Variants in TRIO observed in about 807,000 individuals in gnomAD.
TRIO encodes triple functional domain protein.
A neutral mutation model predicts 351.9 loss-of-function variants in TRIO; 58 were observed. That is an observed-to-expected ratio of 0.16 (90% CI 0.13 to 0.21). TRIO has a LOEUF of 0.21. TRIO is among the 10% of genes least tolerant of loss of function. TRIO has a pLI of 1.00. For missense variants in TRIO, 3,201 were observed against 4,027.8 expected (o/e 0.79, Z 5.56); for synonymous variants, 1,758 against 1,595.7 (o/e 1.10, Z -2.42).
At chr5:14,385,938 C>T (rs927931943) in intron 21 of TRIO, among the ~76,000 whole-genome samples, 4 of 152,210 alleles carry the variant, frequency 2.6e-5, no homozygotes, top group Admixed American at 2.6e-4. Flanking sequence ...AGGTAGTTTA[C>T]AGTGCCCTCC....
Position 14,492,714 on chromosome 5 carries a change from G to A in TRIO, c.7780G>A (p.Ala2594Thr), listed in dbSNP as rs759385450. 81 of 1,613,896 alleles carry A rather than the reference G, an allele frequency of 5.0e-5. No homozygotes were observed. The highest frequency in any genetic ancestry group is 6.4e-5 in the Non-Finnish European group (75 of 1,179,974). The change falls in exon 49 of 57, where the codon GCC becomes ACC. Residue 2594 changes from alanine (A) to threonine (T), a missense_variant. Around this residue, in one of 19 missense-constraint regions of TRIO, gnomAD observed 1,089 missense variants for 954.9 expected, o/e 1.14. Coordinates refer to ENST00000344204, the MANE Select transcript of TRIO (RefSeq NM_007118.4). ...GCAGAACATGTTTCTGGTGTTCCGA[G>A]CCGCCACTGACCAGTGCCCCGCAGC... ...NQQNMFLVFR[A>T]ATDQCPAAEG...
At position 14,405,963 on chromosome 5, in the gene TRIO, C is replaced by T. The variant is rs371141413; in HGVS notation, c.4832C>T (p.Ala1611Val). The T allele has an allele frequency of 2.5e-6, 4 of 1,607,494 alleles. No individual in the cohort carries two copies. The highest frequency in any genetic ancestry group is 1.7e-5 in the Admixed American group (1 of 59,364). The change falls in exon 32 of 57, where the codon GCT (alanine) becomes GTT (valine). Residue 1611 changes from alanine to valine, a missense_variant. Physicochemically the swap from Ala to Val is moderately conservative, Grantham distance 64. Transcript: ENST00000344204. ...LKEPIHIPKT[A>V]PATRQKGRRD... is the part of the protein sequence containing the mutation. Reference sequence around the variant, plus strand: ...GAGCCCATTCACATCCCTAAGACCGCTCCCGCCACAAGACAGAAGGGAAGG... The same window carrying T: ...GAGCCCATTCACATCCCTAAGACCGTTCCCGCCACAAGACAGAAGGGAAGG...
chr5:14,250,550 G>A (rs1393772042), intron 1 of TRIO, among the ~76,000 whole-genome samples: 1 of 152,134 alleles, frequency 6.6e-6, no homozygotes, highest in African/African-American at 2.4e-5. Flanking sequence ...ATTAGTAACC[G>A]CTTGCCTATT....
intron 11 of TRIO, among the ~76,000 whole-genome samples, chr5:14,351,220 A>C (rs1338696990): frequency 6.6e-6 from 1 of 152,226 alleles, no homozygotes; most frequent in Non-Finnish European, 1.5e-5. Context: ...ACTCTTTCTT[A>C]TCAGGGCAGC....
chr5:14,210,197 T>C (rs1186182446), intron 1 of TRIO, among the ~76,000 whole-genome samples: 1 of 152,250 alleles, frequency 6.6e-6, no homozygotes, highest in East Asian at 1.9e-4. Flanking sequence ...GGGGAAGTTC[T>C]GTGTAGAAGG....
At chr5:14,196,254 C>T (rs1790762159) in intron 1 of TRIO, among the ~76,000 whole-genome samples, 1 of 151,866 alleles carries the variant, frequency 6.6e-6, no homozygotes, top group Admixed American at 6.6e-5. Flanking sequence ...AAAACCCCCT[C>T]TCTACTAAAA....
chr5:14,492,344 C>A (rs1469697431), intron 48 of TRIO: 1 of 590,978 alleles, frequency 1.7e-6, no homozygotes, highest in Non-Finnish European at 2.9e-6. Flanking sequence ...TTTTTAAGAG[C>A]GTCCCTAAAT....
intron 49 of TRIO, among the ~76,000 whole-genome samples, chr5:14,495,443 A>G (rs977957192): frequency 2.0e-5 from 3 of 152,138 alleles, no homozygotes; most frequent in Non-Finnish European, 4.4e-5. Flanking sequence ...CTCTGGGTAT[A>G]ATGCTATCAG....
At chr5:14,489,482 G>C (rs1023677961) in intron 48 of TRIO, among the ~76,000 whole-genome samples, 2 of 152,188 alleles carry the variant, frequency 1.3e-5, no homozygotes, top group Non-Finnish European at 2.9e-5. Context: ...GTGGTGGGGA[G>C]ATGCAGTCAA....
chr5:14,498,158 G>A lies in TRIO; in HGVS notation c.8117G>A (p.Cys2706Tyr), dbSNP rs1321582196. 6.2e-7 allele frequency: 1 copy of A among 1,614,206 alleles called. No individual in the cohort carries two copies. Among genetic ancestry groups the A allele is most frequent in the Non-Finnish European group, 8.5e-7 (1 of 1,180,028 alleles). Residue 2706 changes from cysteine (C) to tyrosine (Y), a missense_variant, in exon 52 of 57, where the codon TGT (cysteine) becomes TAT (tyrosine). By Grantham distance (194) the Cys-to-Tyr change is radical (BLOSUM62 -2). Transcript: ENST00000344204. ...ACAGGGGAGACCGTTGTTCTTAGAT[G>A]TCGAGTCTGTGGCCGCCCCAAAGCC... ...CETGETVVLR[C>Y]RVCGRPKASI...
chr5:14,146,079 TCTC>T (rs1787505241), intron 1 of TRIO, among the ~76,000 whole-genome samples: 1 of 151,900 alleles, frequency 6.6e-6, no homozygotes, highest in South Asian at 2.1e-4. Flanking sequence ...AAAAGTGAAA[TCTC>T]CTTTGGGCAG....
intron 6 of TRIO, 36 bp from the exon 7 acceptor site, chr5:14,297,036 C>G: frequency 6.3e-7 from 1 of 1,587,158 alleles, no homozygotes; most frequent in Non-Finnish European, 8.6e-7. Flanking sequence ...TATTTGCTCT[C>G]CCCTAAGGAG....
In TRIO at chr5:14,200,967, A is replaced by G. The variant is rs557489887; in HGVS notation, c.157+57085A>G. On this transcript the variant is annotated intron_variant, in intron 1 of 56. Transcript: ENST00000344204. ...TAAAAAATAACAGTACATAAAAAGAAAACATTCTCGGCTGGGCGCGGTGGC... is the reference window on the plus strand; with the variant it reads ...TAAAAAATAACAGTACATAAAAAGAGAACATTCTCGGCTGGGCGCGGTGGC... Among the ~76,000 whole-genome samples the G allele has an allele frequency of 2.0e-3, 310 of 152,316 alleles. 1 individual carries two copies. Among genetic ancestry groups the G allele is most frequent in the Non-Finnish European group, 3.4e-3 (232 of 68,046 alleles).
At position 14,487,578 on chromosome 5, in the gene TRIO, G is replaced by C. The variant is rs769488074; in HGVS notation, c.6950G>C (p.Gly2317Ala). 1 of 1,135,934 alleles carries C rather than the reference G, an allele frequency of 8.8e-7. No homozygotes were observed. Among genetic ancestry groups the C allele is most frequent in the East Asian group, 4.7e-5 (1 of 21,218 alleles). 70.4% of individuals were successfully genotyped at this position (1,135,934 alleles called of 1,614,324 possible). ...GSGGGGAPSG[G>A]SGHSGGPSSC... ...GGCGGCGGCGGGGCCCCCAGTGGCG[G>C]CAGCGGCCACAGTGGCGGCCCCAGC... is the stretch of plus-strand genomic sequence containing the variant. Residue 2317 changes from glycine (G) to alanine (A), a missense_variant, in exon 48 of 57, where the codon GGC (glycine) becomes GCC (alanine). By Grantham distance (60) the Gly-to-Ala change is moderately conservative. Coordinates refer to ENST00000344204, the MANE Select transcript of TRIO (RefSeq NM_007118.4).
intron 41 of TRIO, among the ~76,000 whole-genome samples, chr5:14,478,786 CAAAAAAAA>C (rs1187243670): frequency 2.1e-5 from 2 of 94,970 alleles, no homozygotes; most frequent in Non-Finnish European, 4.5e-5. Context: ...TCCATCCCTA[CAAAAAAAA>C]AAAAAAAAAA....
At position 14,306,434 on chromosome 5, in the gene TRIO, C is replaced by T. The variant is rs774155; in HGVS notation, c.1500+1842C>T. On this transcript the variant is annotated intron_variant, in intron 8 of 56. Transcript: ENST00000344204. ...ATGAGGATTATGTCACTTCTAAAAA[C>T]CATCAAGTTCTTTCCCGTGATGTGC... 9.1e-4 allele frequency among the ~76,000 whole-genome samples: 139 copies of T among 152,310 alleles called. 1 individual carries two copies. The East Asian group carries it at 0.02, about 22-fold the overall frequency.
intron 12 of TRIO, among the ~76,000 whole-genome samples, chr5:14,358,836 A>T (rs987495624): frequency 1.3e-5 from 2 of 152,128 alleles, no homozygotes; most frequent in Non-Finnish European, 2.9e-5. Flanking sequence ...TCTGGAAGCA[A>T]ATTTTTTTTA....
In TRIO at chr5:14,497,146, C is replaced by T. The variant is rs565529785; in HGVS notation, c.8019+129C>T. 1 of 1,353,584 alleles carries T rather than the reference C, an allele frequency of 7.4e-7. No homozygotes were observed. Among genetic ancestry groups the T allele is most frequent in the East Asian group, 2.5e-5 (1 of 39,760 alleles). 83.8% of individuals were successfully genotyped at this position (1,353,584 alleles called of 1,614,324 possible). A position where few individuals can be genotyped will look rare whatever the true frequency, so the allele number is the denominator to read the frequency against. Reference sequence around the variant, plus strand: ...CCCTCCCACCCACCAGCCCCGTGCCCTGCGTGTCCTGTAGGGTCTTGTTAG... The same window carrying T: ...CCCTCCCACCCACCAGCCCCGTGCCTTGCGTGTCCTGTAGGGTCTTGTTAG... On this transcript the variant is annotated intron_variant, in intron 50 of 56. Coordinates refer to ENST00000344204, the MANE Select transcript of TRIO (RefSeq NM_007118.4). This position sits in a 1 kb window ranked among gnomAD's most constrained non-coding sequence, Gnocchi z 4.4.
intron 21 of TRIO, among the ~76,000 whole-genome samples, 173 bp downstream of exon 21, chr5:14,381,425 C>G (rs1268389071): frequency 2.0e-5 from 3 of 152,196 alleles, no homozygotes; most frequent in Admixed American, 6.5e-5. Flanking sequence ...GTGTCCTCCA[C>G]CTCCTCCCTT....
Sources: gnomAD v4.1 joint callset for allele counts (sites outside exome capture counted in the v4.1 genomes callset) on GRCh38, gnomAD v4.1.1 for gene constraint, gnomAD v4.1.1 regional missense constraint, Gnocchi (gnomAD v3.1) non-coding constraint, MANE v1.5 for transcripts, NCBI Gene and HGNC (gene_info 2026-07-23, HGNC 2026-07-21) for gene names.